Variants in WDFY4 observed in about 807,000 individuals in gnomAD.
WDFY4 encodes WDFY family member 4.
A neutral mutation model predicts 351.9 loss-of-function variants in WDFY4; 169 were observed. That is an observed-to-expected ratio of 0.48 (90% CI 0.42 to 0.55). WDFY4 has a LOEUF of 0.55. Among genes scored for constraint, WDFY4 ranks in the 20% least tolerant of loss-of-function variants. WDFY4 has a pLI of 0.00. For synonymous variants in WDFY4, 1,622 were observed against 1,574.6 expected (o/e 1.03, Z -0.71); for missense variants, 3,803 against 3,935.6 (o/e 0.97, Z 0.90).
chr10:48,832,113 A>G (rs1384147228), intron 38 of WDFY4, among the ~76,000 whole-genome samples: 3 of 152,264 alleles, frequency 2.0e-5, no homozygotes, highest in East Asian at 3.8e-4. Context: ...ATCCATGCAC[A>G]TAGAGTGGAA....
At chr10:48,909,557 G>A (rs1039056634) in intron 47 of WDFY4, 1 of 152,166 alleles carries the variant, frequency 6.6e-6, no homozygotes, top group Non-Finnish European at 1.5e-5. Context: ...CTTCTGGTGA[G>A]GGCTTTGGGG....
In WDFY4 at chr10:48,775,842, G is replaced by A. The variant is rs184103184; in HGVS notation, c.2863+36G>A. ...TGGCAAGAACGGGGCAGGTTAATGGGAAGTAAAAGATGATAGGCATTCCTG... is the reference window on the plus strand; with the variant it reads ...TGGCAAGAACGGGGCAGGTTAATGGAAAGTAAAAGATGATAGGCATTCCTG... On this transcript the variant is annotated intron_variant, in intron 15 of 61. Transcript: ENST00000325239. 1,502 of 1,519,224 alleles carry A rather than the reference G, an allele frequency of 9.9e-4. 4 individuals are homozygous for A. The highest frequency in any genetic ancestry group is 6.8e-3 in the Middle Eastern group (40 of 5,918). The allele number at this position is 1,519,224 out of a possible 1,614,324, so 94.1% of individuals were successfully genotyped here.
chr10:48,806,437 GA>G (rs1217673543), intron 27 of WDFY4, among the ~76,000 whole-genome samples: 2 of 152,142 alleles, frequency 1.3e-5, no homozygotes, highest in Non-Finnish European at 2.9e-5. Context: ...CTCCAGCAGT[GA>G]AGCACTTGCA....
chr10:48,827,891 GT>G (rs66593679), intron 36 of WDFY4, among the ~76,000 whole-genome samples: 47,119 of 147,716 alleles, frequency 0.32, 8,363 homozygotes, highest in African/African-American at 0.49. Flanking sequence ...ATTTGGGGAA[GT>G]TTTTTTTTTT....
At chr10:48,754,956 AAAGTCTCTT>A (rs2065290700) in intron 12 of WDFY4, among the ~76,000 whole-genome samples, 1 of 152,162 alleles carries the variant, frequency 6.6e-6, no homozygotes, top group Non-Finnish European at 1.5e-5. Flanking sequence ...ACATGAAGTA[AAAGTCTCTT>A]TTTTTGGCCT....
At chr10:48,688,622 A>T (rs1391818807) in intron 1 of WDFY4, among the ~76,000 whole-genome samples, 1 of 152,184 alleles carries the variant, frequency 6.6e-6, no homozygotes, top group Non-Finnish European at 1.5e-5. Context: ...TCAAAATGCA[A>T]GCATTTTAAA....
chr10:48,805,562 T>A, intron 26 of WDFY4, 141 bp downstream of exon 26: 2 of 1,215,508 alleles, frequency 1.6e-6, no homozygotes, highest in Non-Finnish European at 1.1e-6. Context: ...GGGCTGAGAG[T>A]TGGGGAAAGG....
chr10:48,923,042 T>A (rs985057837), intron 47 of WDFY4, among the ~76,000 whole-genome samples: 1 of 152,212 alleles, frequency 6.6e-6, no homozygotes, highest in African/African-American at 2.4e-5. Context: ...GAAACATTTT[T>A]AAAAAATCGT....
chr10:48,856,647 C>T (rs549517806), intron 39 of WDFY4, among the ~76,000 whole-genome samples: 222 of 152,294 alleles, frequency 1.5e-3, no homozygotes, highest in African/African-American at 5.2e-3. Context: ...CACTTGAACT[C>T]TATCAGTAAC....
chr10:48,802,785 G>T (rs769646089), intron 24 of WDFY4: 1 of 472,098 alleles, frequency 2.1e-6, no homozygotes, highest in South Asian at 1.5e-5. Context: ...TGCGCAAATT[G>T]GGTATGTAGT....
intron 57 of WDFY4, among the ~76,000 whole-genome samples, chr10:48,973,892 T>C (rs1451005345): frequency 3.3e-5 from 5 of 151,714 alleles, no homozygotes; most frequent in African/African-American, 1.2e-4. Context: ...CCAGTGGCTA[T>C]GAATCCAGAC....
rs1360540864 is a variant in WDFY4, at chr10:48,969,140, T to C, written c.8661T>C (p.Ile2887=). 1 of 1,551,642 alleles carries C rather than the reference T, an allele frequency of 6.4e-7. No individual in the cohort carries two copies. Among genetic ancestry groups the C allele is most frequent in the Non-Finnish European group, 8.7e-7 (1 of 1,146,970 alleles). ...IGHIVSTEKT[I]LAVERNKVLL... Reference sequence around the variant, plus strand: ...ACATTGTCTCTACTGAGAAGACCATTCTGGCTGTAGAGAGGAACAAAGTGC... The same window carrying C: ...ACATTGTCTCTACTGAGAAGACCATCCTGGCTGTAGAGAGGAACAAAGTGC... The change falls in exon 56 of 62, where the codon ATT becomes ATC. Residue 2887 remains isoleucine, a synonymous_variant. Coordinates refer to ENST00000325239, the MANE Select transcript of WDFY4 (RefSeq NM_001394531.1).
At position 48,923,496 on chromosome 10, in the gene WDFY4, GTATA is replaced by G. The variant is rs374289050; in HGVS notation, c.7587-18296_7587-18293del. Reference sequence around the variant, plus strand: ...TCAGGTAAACAACAAATAGTTTTTAGTATATATATATATATATGTCCCAAATACC... The same window carrying G: ...TCAGGTAAACAACAAATAGTTTTTAGTATATATATATATGTCCCAAATACC... On this transcript the variant is annotated intron_variant, in intron 47 of 61. Transcript: ENST00000325239. Among the ~76,000 whole-genome samples, 28 of 63,252 alleles carry G rather than the reference GTATA, an allele frequency of 4.4e-4. 2 individuals are homozygous for G. Among genetic ancestry groups the G allele is most frequent in the African/African-American group, 8.7e-4 (25 of 28,888 alleles). 41.5% of individuals were successfully genotyped at this position (63,252 alleles called of 152,430 possible).
rs760404082 is a variant in WDFY4 at position 48,723,438 on chromosome 10, G to T, written c.462G>T (p.Thr154=). 1 of 1,549,696 alleles carries T rather than the reference G, an allele frequency of 6.5e-7. No homozygotes were observed. Among genetic ancestry groups the T allele is most frequent in the East Asian group, 2.4e-5 (1 of 40,902 alleles). Residue 154 remains threonine, a synonymous_variant, in exon 5 of 62, where the codon ACG becomes ACT. Coordinates refer to ENST00000325239, the MANE Select transcript of WDFY4 (RefSeq NM_001394531.1). The part of the protein sequence containing the change: ...VYVLTGTDSE[T]LGRVAESGLP... ...CGTGTGCTCTTCTCTTGCAGGAGAC[G>T]CTGGGCAGGGTTGCTGAGTCTGGGC...
chr10:48,946,314 GA>G (rs1841041404), intron 50 of WDFY4, among the ~76,000 whole-genome samples, 157 bp downstream of exon 50: 1 of 152,226 alleles, frequency 6.6e-6, no homozygotes, highest in South Asian at 2.1e-4. Flanking sequence ...GGAGCTTCTA[GA>G]AAATACTGAT....
At position 48,729,348 on chromosome 10, in the gene WDFY4, G is replaced by A. The variant is rs966699368; in HGVS notation, c.972-84G>A. On this transcript the variant is annotated intron_variant, in intron 7 of 61. Transcript: ENST00000325239. The stretch of plus-strand genomic sequence containing the variant: ...TTCCCCAGCTTGCAGATCCCCATTG[G>A]CTCTGTCTCCTTGAGAGCACCATGC... 4 of 1,506,730 alleles carry A rather than the reference G, an allele frequency of 2.7e-6. No homozygotes were observed. The African/African-American group carries it at 4.2e-5, about 16-fold the overall frequency. 93.3% of individuals were successfully genotyped at this position (1,506,730 alleles called of 1,614,324 possible).
chr10:48,905,835 T>A (rs1382015029), intron 47 of WDFY4, among the ~76,000 whole-genome samples: 4 of 152,360 alleles, frequency 2.6e-5, no homozygotes, highest in South Asian at 4.1e-4. Context: ...TAAATTGTAA[T>A]CCTTCTGCCT....
intron 41 of WDFY4, among the ~76,000 whole-genome samples, chr10:48,873,968 T>G (rs1589791827): frequency 2.0e-5 from 3 of 152,218 alleles, no homozygotes; most frequent in Non-Finnish European, 4.4e-5. Context: ...TTACCTATGC[T>G]GCAGGCACAG....
intron 39 of WDFY4, among the ~76,000 whole-genome samples, chr10:48,851,218 G>A (rs986517142): frequency 2.6e-5 from 4 of 152,250 alleles, no homozygotes; most frequent in Middle Eastern, 3.4e-3. Flanking sequence ...GGATGCCGAG[G>A]TGCTGCAAGA....
Sources: gnomAD v4.1 joint callset for allele counts (sites outside exome capture counted in the v4.1 genomes callset) on GRCh38, gnomAD v4.1.1 for gene constraint, MANE v1.5 for transcripts, NCBI Gene and HGNC (gene_info 2026-07-23, HGNC 2026-07-21) for gene names.